The following NR1H4 variants were observed in gnomAD, a reference collection of about 807,000 sequenced individuals.
The protein encoded by NR1H4 is bile acid receptor.
Under a neutral mutation model 58.5 loss-of-function variants are expected in NR1H4, and 23 were observed. That is an observed-to-expected ratio of 0.39 (90% CI 0.28 to 0.56). The LOEUF is 0.56. Among genes scored for constraint, NR1H4 ranks in the 20% least tolerant of loss-of-function variants. NR1H4 has a pLI of 0.58. For missense variants in NR1H4, 487 were observed against 576.9 expected (o/e 0.84, Z 1.60); for synonymous variants, 214 against 198.0 (o/e 1.08, Z -0.68).
intron 1 of NR1H4, among the ~76,000 whole-genome samples, chr12:100,486,932 G>T (rs1386777888): frequency 1.3e-5 from 2 of 152,064 alleles, no homozygotes; most frequent in African/African-American, 4.8e-5. Context: ...TAATTTAAAG[G>T]CATGTAGTAA....
At chr12:100,513,273 G>A (rs1035914899) in intron 4 of NR1H4, among the ~76,000 whole-genome samples, 2 of 152,032 alleles carry the variant, frequency 1.3e-5, no homozygotes, top group Non-Finnish European at 2.9e-5. Flanking sequence ...GTTCATCACT[G>A]GTACGTAATT....
intron 3 of NR1H4, among the ~76,000 whole-genome samples, chr12:100,504,205 C>T (rs1040055523): frequency 3.9e-5 from 6 of 151,944 alleles, no homozygotes; most frequent in African/African-American, 1.5e-4. Context: ...ATTAAAACAT[C>T]GATTATAATT....
chr12:100,558,098 C>T lies in NR1H4; in HGVS notation c.1079-3787C>T, dbSNP rs576574195. 3.3e-5 allele frequency among the ~76,000 whole-genome samples: 5 copies of T among 151,480 alleles called. No homozygotes were observed. In the East Asian group the frequency reaches 5.8e-4, roughly 18 times the overall value. On this transcript the variant is annotated intron_variant, in intron 9 of 10. Coordinates refer to ENST00000392986, the MANE Select transcript of NR1H4 (RefSeq NM_001206979.2). ...ATCTTGGCCCGGGCGTGGTGGCTCA[C>T]GCCTATAATCCCAGCACTTTGGGAG...
intron 8 of NR1H4, among the ~76,000 whole-genome samples, chr12:100,538,992 T>C (rs1167291581): frequency 1.3e-5 from 2 of 152,234 alleles, no homozygotes; most frequent in African/African-American, 4.8e-5. Flanking sequence ...GAGATATTTT[T>C]GGTTATTTAT....
intron 1 of NR1H4, among the ~76,000 whole-genome samples, chr12:100,482,982 G>A (rs1364223498): frequency 6.6e-6 from 1 of 152,140 alleles, no homozygotes; most frequent in East Asian, 1.9e-4. Context: ...CTGGAGTGTA[G>A]TGGCGCAATC....
intron 1 of NR1H4, among the ~76,000 whole-genome samples, chr12:100,477,622 T>C (rs1022497848): frequency 1.3e-5 from 2 of 152,222 alleles, no homozygotes; most frequent in Non-Finnish European, 2.9e-5. Context: ...ATGGAGAAGA[T>C]AGTCCTGCTG....
intron 3 of NR1H4, chr12:100,505,479 C>G: frequency 1.6e-6 from 1 of 635,026 alleles, no homozygotes; most frequent in Non-Finnish European, 2.8e-6. Flanking sequence ...CAGAACCCTT[C>G]TATCACCTCA....
rs17030242 is a variant in NR1H4, at chr12:100,503,453, G to A, written c.80-7325G>A. On this transcript the variant is annotated intron_variant, in intron 3 of 10. Coordinates refer to ENST00000392986, the MANE Select transcript of NR1H4 (RefSeq NM_001206979.2). ...TTAGTCCTCACTGCAGCTGTACGCC[G>A]TCAGGATTTTTCATGGAAATGATGA... 4.5e-3 allele frequency: 7,248 copies of A among 1,597,418 alleles called. 144 individuals are homozygous for A. In the African/African-American group the frequency reaches 0.057, roughly 13 times the overall value.
intron 8 of NR1H4, among the ~76,000 whole-genome samples, 177 bp downstream of exon 8, chr12:100,537,224 C>A (rs1294209939): frequency 6.6e-6 from 1 of 152,096 alleles, no homozygotes; most frequent in Non-Finnish European, 1.5e-5. Context: ...CTGCTATTCT[C>A]TACAATAGTC....
intron 4 of NR1H4, among the ~76,000 whole-genome samples, chr12:100,520,826 G>A (rs1227973812): frequency 6.6e-6 from 1 of 152,160 alleles, no homozygotes; most frequent in Non-Finnish European, 1.5e-5. Context: ...AGGAAGTCTG[G>A]GCAAGGTTAT....
At chr12:100,494,231 A>G (rs1953663293) in intron 3 of NR1H4, among the ~76,000 whole-genome samples, 1 of 152,188 alleles carries the variant, frequency 6.6e-6, no homozygotes, top group South Asian at 2.1e-4. Flanking sequence ...TTGGTTGCTG[A>G]TATTCCTAGG....
chr12:100,538,818 A>T (rs1358814267), intron 8 of NR1H4, among the ~76,000 whole-genome samples: 1 of 152,226 alleles, frequency 6.6e-6, no homozygotes, highest in Non-Finnish European at 1.5e-5. Flanking sequence ...ATAAAGTGTG[A>T]GGAGAAATTT....
At chr12:100,546,420 G>T (rs1303576401) in intron 9 of NR1H4, among the ~76,000 whole-genome samples, 1 of 152,094 alleles carries the variant, frequency 6.6e-6, no homozygotes, top group African/African-American at 2.4e-5. Flanking sequence ...CCATTGCCGG[G>T]CGCGGTGGCT....
chr12:100,483,461 G>A (rs1363768070), intron 1 of NR1H4, among the ~76,000 whole-genome samples: 2 of 152,126 alleles, frequency 1.3e-5, no homozygotes, highest in African/African-American at 2.4e-5. Context: ...TTCTTATAGA[G>A]CACTGTCTTC....
intron 1 of NR1H4, among the ~76,000 whole-genome samples, chr12:100,485,507 A>G (rs1280639603): frequency 1.3e-5 from 2 of 152,072 alleles, no homozygotes; most frequent in Non-Finnish European, 2.9e-5. Context: ...ATATGAATAC[A>G]TCTAGTTCTA....
intron 9 of NR1H4, among the ~76,000 whole-genome samples, chr12:100,559,583 G>C (rs1316167512): frequency 6.6e-6 from 1 of 152,196 alleles, no homozygotes; most frequent in East Asian, 1.9e-4. Flanking sequence ...CCGGCGCTGC[G>C]CTGGATTTCT....
At chr12:100,561,710 CTGAT>C (rs1394403664) in intron 9 of NR1H4, among the ~76,000 whole-genome samples, 171 bp from the exon 10 acceptor site, 2 of 152,158 alleles carry the variant, frequency 1.3e-5, no homozygotes, top group East Asian at 1.9e-4. Flanking sequence ...ATTTTGTCAA[CTGAT>C]TGTCTTCACA....
chr12:100,522,313 T>G (rs1283968117), intron 4 of NR1H4, among the ~76,000 whole-genome samples: 1 of 152,196 alleles, frequency 6.6e-6, no homozygotes, highest in African/African-American at 2.4e-5. Context: ...AGGCTTTATA[T>G]GTACTAATTT....
chr12:100,486,139 G>A (rs917700448), intron 1 of NR1H4, among the ~76,000 whole-genome samples: 2 of 152,138 alleles, frequency 1.3e-5, no homozygotes, highest in Admixed American at 6.5e-5. Flanking sequence ...GAGGTGCTGA[G>A]TGAGTAGTTC....
Sources: gnomAD v4.1 joint callset for allele counts (sites outside exome capture counted in the v4.1 genomes callset) on GRCh38, gnomAD v4.1.1 for gene constraint, MANE v1.5 for transcripts, NCBI Gene and HGNC (gene_info 2026-07-23, HGNC 2026-07-21) for gene names.